Variants in ADGRL2 observed in about 807,000 individuals in gnomAD.
ADGRL2 encodes calcium-independent alpha-latrotoxin receptor 2.
ADGRL2 carries 44 observed loss-of-function variants against 157.4 expected under a neutral mutation model. That is an observed-to-expected ratio of 0.28 (90% CI 0.22 to 0.36). ADGRL2 has a LOEUF of 0.36. Among genes scored for constraint, ADGRL2 ranks in the 10% least tolerant of loss-of-function variants. ADGRL2 has a pLI of 1.00. For missense variants in ADGRL2, 1,510 were observed against 1,768.9 expected (o/e 0.85, Z 2.63); for synonymous variants, 585 against 624.7 (o/e 0.94, Z 0.95).
At chr1:81,520,617 G>C (rs1041118081) in intron 2 of ADGRL2, among the ~76,000 whole-genome samples, 1 of 152,130 alleles carries the variant, frequency 6.6e-6, no homozygotes, top group African/African-American at 2.4e-5. Flanking sequence ...GTGTTTGACA[G>C]TTCCTCCTTC....
chr1:81,945,662 A>G (rs1378039003), intron 6 of ADGRL2, among the ~76,000 whole-genome samples: 1 of 152,124 alleles, frequency 6.6e-6, no homozygotes, highest in Non-Finnish European at 1.5e-5. Flanking sequence ...TGCTTTTGGA[A>G]AGAGCAGTTA....
At chr1:81,557,678 A>G (rs1390139111) in intron 2 of ADGRL2, 3 of 152,342 alleles carry the variant, frequency 2.0e-5, no homozygotes, top group African/African-American at 4.8e-5. Flanking sequence ...GAAGTTAAGC[A>G]TGCATCGCAG....
rs561370547 is a variant in ADGRL2, at chr1:81,487,073, A to C, written c.-248+41984A>C. On this transcript the variant is annotated intron_variant, in intron 2 of 24. Coordinates refer to the ADGRL2 transcript ENST00000370721. ...AATTGGAGACCAGCCTGGGCAACAT[A>C]GGGAGACCTCATCTCTACAAAAAAA... is the stretch of plus-strand genomic sequence containing the variant. Among the ~76,000 whole-genome samples, 28 of 128,244 alleles carry C rather than the reference A, an allele frequency of 2.2e-4. No individual in the cohort carries two copies. The East Asian group carries it at 6.2e-3, about 28-fold the overall frequency. The allele number at this position is 128,244 out of a possible 152,430, so 84.1% of individuals were successfully genotyped here. A position where few individuals can be genotyped will look rare whatever the true frequency, so the allele number is the denominator to read the frequency against.
chr1:81,759,848 G>T (rs1205480136), intron 1 of ADGRL2, among the ~76,000 whole-genome samples: 1 of 151,954 alleles, frequency 6.6e-6, no homozygotes, highest in Non-Finnish European at 1.5e-5. Context: ...TCTTTGATGT[G>T]CCAGTTCCAA....
intron 3 of ADGRL2, among the ~76,000 whole-genome samples, chr1:81,690,506 G>C (rs908991971): frequency 5.3e-5 from 8 of 152,110 alleles, no homozygotes; most frequent in Non-Finnish European, 1.2e-4. Context: ...AAGAAAAGAA[G>C]ACTGTAAAAT....
chr1:81,696,444 G>A (rs9725133), upstream of ADGRL2, among the ~76,000 whole-genome samples: 7,764 of 152,150 alleles, frequency 0.051, 256 homozygotes, highest in Non-Finnish European at 0.071. Flanking sequence ...ATGGAGAATG[G>A]GGCAGAGGCA....
chr1:81,603,006 G>T lies in ADGRL2; in HGVS notation c.-143+22026G>T, dbSNP rs547796027. On this transcript the variant is annotated intron_variant, in intron 3 of 24. Coordinates refer to the ADGRL2 transcript ENST00000370721. ...AAGGCTGGTGTTAATACCTTAGCAC[G>T]TGATGGTAGAAGGTCAATGACTGAG... Among the ~76,000 whole-genome samples the T allele has an allele frequency of 2.0e-5, 3 of 152,090 alleles. No homozygotes were observed. In the East Asian group the frequency reaches 5.8e-4, roughly 29 times the overall value.
chr1:81,340,427 C>T (rs1661987495), intron 1 of ADGRL2, among the ~76,000 whole-genome samples: 1 of 152,060 alleles, frequency 6.6e-6, no homozygotes, highest in Admixed American at 6.6e-5. Flanking sequence ...GCTTCCGGTA[C>T]AGAAGCAATT....
At chr1:81,437,416 A>T (rs1045299379) in intron 1 of ADGRL2, among the ~76,000 whole-genome samples, 8 of 152,018 alleles carry the variant, frequency 5.3e-5, no homozygotes, top group Non-Finnish European at 2.9e-5. Context: ...TCATCCCAGG[A>T]AAAAAAAGAA....
intron 3 of ADGRL2, among the ~76,000 whole-genome samples, chr1:81,612,139 A>C (rs1557505353): frequency 6.6e-6 from 1 of 152,166 alleles, no homozygotes; most frequent in Non-Finnish European, 1.5e-5. Flanking sequence ...GCAGAACCAG[A>C]GTCCTTGTGA....
intron 1 of ADGRL2, among the ~76,000 whole-genome samples, chr1:81,418,862 T>C (rs2077078639): frequency 6.6e-6 from 1 of 152,232 alleles, no homozygotes; most frequent in Admixed American, 6.5e-5. Flanking sequence ...ACCAAATCCA[T>C]GTTAAAATAG....
chr1:81,392,588 A>G (rs1440226750), intron 1 of ADGRL2, among the ~76,000 whole-genome samples: 1 of 152,176 alleles, frequency 6.6e-6, no homozygotes, highest in Non-Finnish European at 1.5e-5. Flanking sequence ...TTAGATAAGC[A>G]GAAAATAAAT....
chr1:81,767,423 A>G (rs1359913827), intron 2 of ADGRL2, among the ~76,000 whole-genome samples: 1 of 152,148 alleles, frequency 6.6e-6, no homozygotes, highest in Non-Finnish European at 1.5e-5. Context: ...ATCTGCAAAC[A>G]TTTTTACTTG....
intron 3 of ADGRL2, among the ~76,000 whole-genome samples, chr1:81,598,933 A>G (rs2081287714): frequency 6.6e-6 from 1 of 152,206 alleles, no homozygotes; most frequent in Non-Finnish European, 1.5e-5. Context: ...GGTACACAAT[A>G]CCTAAGTCTT....
chr1:81,987,971 C>A, intron 23 of ADGRL2, 85 bp downstream of exon 23: 1 of 287,930 alleles, frequency 3.5e-6, no homozygotes. Flanking sequence ...ACATAACTAG[C>A]AGTCATGAAG....
rs2079409837 is a variant in ADGRL2, at chr1:81,524,678, A to G, written c.-247-56198A>G. 2.6e-5 allele frequency among the ~76,000 whole-genome samples: 4 copies of G among 152,232 alleles called. No homozygotes were observed. The South Asian group carries it at 8.3e-4, about 31-fold the overall frequency. ...ACATTTTTTAATTTATATTAACAAC[A>G]ACAACCAAAAAAACAAGATGCAAAA... On this transcript the variant is annotated intron_variant, in intron 2 of 24. Transcript: ENST00000370721.
chr1:81,534,333 T>G (rs1464216488), intron 2 of ADGRL2, among the ~76,000 whole-genome samples: 1 of 152,122 alleles, frequency 6.6e-6, no homozygotes. Flanking sequence ...GGCTAATTTT[T>G]GTATTTTCGG....
intron 1 of ADGRL2, chr1:81,426,547 C>A: frequency 2.3e-6 from 1 of 442,708 alleles, no homozygotes; most frequent in Non-Finnish European, 4.5e-6. Flanking sequence ...CCAAAGGAAC[C>A]AGAGTAGTTG....
intron 1 of ADGRL2, among the ~76,000 whole-genome samples, chr1:81,358,637 G>A (rs1212644235): frequency 6.6e-6 from 1 of 152,014 alleles, no homozygotes; most frequent in Non-Finnish European, 1.5e-5. Flanking sequence ...AAATCAACCT[G>A]GATAGGACAG....
Sources: allele counts gnomAD v4.1 joint callset (sites outside exome capture counted in the v4.1 genomes callset), GRCh38; gene constraint gnomAD v4.1.1; transcripts MANE v1.5; gene names NCBI Gene and HGNC (gene_info 2026-07-23, HGNC 2026-07-21).